Variants in FGF12 observed in about 807,000 individuals in gnomAD.
FGF12 encodes fibroblast growth factor 12B.
Under a neutral mutation model 23.6 loss-of-function variants are expected in FGF12, and 14 were observed. The ratio of observed to expected loss-of-function variants is 0.59; its 90% CI spans 0.39 to 0.93. The LOEUF (loss-of-function observed/expected upper bound fraction) is 0.93, where lower values mean the gene tolerates loss of function less well. Among genes scored for constraint, FGF12 ranks in the 40% least tolerant of loss-of-function variants. FGF12 has a pLI of 0.00. For missense variants in FGF12, 175 were observed against 217.8 expected (o/e 0.80, Z 1.24); for synonymous variants, 62 against 77.3 (o/e 0.80, Z 1.04).
At chr3:192,555,009 A>G (rs573735993) in intron 2 of FGF12, among the ~76,000 whole-genome samples, 1 of 152,246 alleles carries the variant, frequency 6.6e-6, no homozygotes, top group East Asian at 1.9e-4. Context: ...AGAATGAAAA[A>G]GAGTAAAGAA....
intron 2 of FGF12, among the ~76,000 whole-genome samples, chr3:192,385,407 T>A (rs144667743): frequency 1.0e-3 from 153 of 152,286 alleles, no homozygotes; most frequent in African/African-American, 3.2e-3. Flanking sequence ...CCATATCATA[T>A]GTTTAATATT....
At chr3:192,559,700 AAG>A (rs2108593181) in intron 2 of FGF12, among the ~76,000 whole-genome samples, 1 of 152,158 alleles carries the variant, frequency 6.6e-6, no homozygotes, top group Non-Finnish European at 1.5e-5. Context: ...ATTGCAACAA[AAG>A]TGCCACTGAG....
intron 2 of FGF12, among the ~76,000 whole-genome samples, chr3:192,595,361 G>T (rs1165322200): frequency 6.6e-6 from 1 of 152,214 alleles, no homozygotes; most frequent in Non-Finnish European, 1.5e-5. Flanking sequence ...AGCAAGGGCA[G>T]CTCTCCAATT....
intron 2 of FGF12, among the ~76,000 whole-genome samples, chr3:192,433,695 T>G (rs1423664253): frequency 6.6e-6 from 1 of 152,254 alleles, no homozygotes; most frequent in Non-Finnish European, 1.5e-5. Context: ...TGTAAATATT[T>G]AGACTAGTAT....
At chr3:192,706,372 T>C (rs553135675) in intron 2 of FGF12, among the ~76,000 whole-genome samples, 20 of 152,134 alleles carry the variant, frequency 1.3e-4, no homozygotes, top group African/African-American at 4.8e-4. Flanking sequence ...ATATTACCAA[T>C]GACGTAACAG....
At chr3:192,196,862 T>C (rs1717094256) in intron 4 of FGF12, among the ~76,000 whole-genome samples, 1 of 152,170 alleles carries the variant, frequency 6.6e-6, no homozygotes, top group Admixed American at 6.5e-5. Flanking sequence ...ACAAGTATTT[T>C]TTTTTTTCAG....
chr3:192,657,803 C>A (rs547328519), intron 2 of FGF12, among the ~76,000 whole-genome samples: 1 of 152,156 alleles, frequency 6.6e-6, no homozygotes, highest in Admixed American at 6.5e-5. Flanking sequence ...CTAGACATTT[C>A]CAAACAATAA....
intron 2 of FGF12, among the ~76,000 whole-genome samples, chr3:192,459,650 T>C (rs374540094): frequency 1.3e-5 from 2 of 152,358 alleles, no homozygotes; most frequent in East Asian, 3.9e-4. Flanking sequence ...GATTCAAATA[T>C]TAAAGTGGAT....
chr3:192,409,086 C>T lies in FGF12; in HGVS notation c.14-48548G>A. Reference sequence around the variant, plus strand: ...GGGAGGCGAGGGAGGGGGGAGGGCGCGAGGGAGGGAGGGAGATCCTCGAGG... The same window carrying T: ...GGGAGGCGAGGGAGGGGGGAGGGCGTGAGGGAGGGAGGGAGATCCTCGAGG... On this transcript the variant is annotated intron_variant, in intron 2 of 5. Coordinates refer to ENST00000445105, the MANE Select transcript of FGF12 (RefSeq NM_004113.6). The surrounding 1 kb of genome is among the most constrained non-coding windows in gnomAD (Gnocchi z 4.8). 1 of 501,352 alleles carries T rather than the reference C, an allele frequency of 2.0e-6. No homozygotes were observed. The highest frequency in any genetic ancestry group is 2.5e-6 in the Non-Finnish European group (1 of 392,880). The allele number at this position is 501,352 out of a possible 1,614,324, so 31.1% of individuals were successfully genotyped here.
chr3:192,691,414 T>C (rs533333786), intron 2 of FGF12, among the ~76,000 whole-genome samples: 1 of 152,094 alleles, frequency 6.6e-6, no homozygotes, highest in South Asian at 2.1e-4. Flanking sequence ...ATGTGGAAAT[T>C]AAAGTAAATA....
chr3:192,438,592 T>C (rs59860821), intron 2 of FGF12, among the ~76,000 whole-genome samples: 12,234 of 152,238 alleles, frequency 0.08, 584 homozygotes, highest in African/African-American at 0.13. Context: ...TCTTTCTGCT[T>C]CAGCCTCTGA....
At chr3:192,166,567 T>A (rs925575488) in intron 5 of FGF12, among the ~76,000 whole-genome samples, 4 of 152,226 alleles carry the variant, frequency 2.6e-5, no homozygotes, top group African/African-American at 9.6e-5. Context: ...TGCCAATTGC[T>A]AGCTGCATGA....
At chr3:192,587,185 T>C (rs765195443) in intron 2 of FGF12, among the ~76,000 whole-genome samples, 3 of 152,054 alleles carry the variant, frequency 2.0e-5, no homozygotes, top group Non-Finnish European at 4.4e-5. Flanking sequence ...AGACATTACC[T>C]TCTGGTAGTA....
intron 2 of FGF12, among the ~76,000 whole-genome samples, chr3:192,465,482 G>A (rs1047075784): frequency 2.0e-4 from 31 of 152,154 alleles, no homozygotes; most frequent in African/African-American, 7.2e-4. Context: ...AGTTAAGAAA[G>A]TGGAACTGAG....
At chr3:192,575,058 A>G (rs1037402715) in intron 2 of FGF12, among the ~76,000 whole-genome samples, 12 of 152,376 alleles carry the variant, frequency 7.9e-5, no homozygotes, top group Admixed American at 7.2e-4. Context: ...CTAAGCAATA[A>G]CAAGAGGTGA....
intron 2 of FGF12, among the ~76,000 whole-genome samples, chr3:192,363,010 G>C (rs1056043685): frequency 1.7e-4 from 25 of 150,268 alleles, no homozygotes; most frequent in African/African-American, 5.8e-4. Flanking sequence ...GTCACCACAT[G>C]TTCTCACTCA....
At chr3:192,162,550 C>T (rs1714942980) in intron 5 of FGF12, among the ~76,000 whole-genome samples, 1 of 152,058 alleles carries the variant, frequency 6.6e-6, no homozygotes, top group African/African-American at 2.4e-5. Flanking sequence ...AGGAAAGTAT[C>T]ACAGGCTGGC....
intron 4 of FGF12, among the ~76,000 whole-genome samples, chr3:192,190,729 C>A (rs1449370889): frequency 6.6e-6 from 1 of 152,092 alleles, no homozygotes; most frequent in East Asian, 1.9e-4. Flanking sequence ...CCCACCTCGG[C>A]CTCCCAAAGT....
intron 2 of FGF12, among the ~76,000 whole-genome samples, chr3:192,717,914 A>G (rs1718911916): frequency 6.6e-6 from 1 of 152,160 alleles, no homozygotes; most frequent in African/African-American, 2.4e-5. Flanking sequence ...AAACCCTTAG[A>G]CCTTGGATAG....
Sources: gnomAD v4.1 joint callset for allele counts (sites outside exome capture counted in the v4.1 genomes callset) on GRCh38, gnomAD v4.1.1 for gene constraint, Gnocchi (gnomAD v3.1) non-coding constraint, MANE v1.5 for transcripts, NCBI Gene and HGNC (gene_info 2026-07-23, HGNC 2026-07-21) for gene names.